Variants in RNF152 observed in about 807,000 individuals in gnomAD.
RNF152 encodes the protein E3 ubiquitin-protein ligase RNF152.
RNF152 carries 11 observed loss-of-function variants against 12.7 expected under a neutral mutation model. The observed-to-expected ratio is 0.86, with a 90% confidence interval of 0.54 to 1.43. The LOEUF (loss-of-function observed/expected upper bound fraction) is 1.43, where lower values mean the gene tolerates loss of function less well. Among genes scored for constraint, RNF152 ranks in the 40% most tolerant of loss-of-function variants. RNF152 has a pLI of 0.00. For synonymous variants in RNF152, 113 were observed against 120.3 expected, an observed-to-expected ratio of 0.94 and a Z score of 0.40; for missense variants, 255 against 274.8, an observed-to-expected ratio of 0.93 and a Z score of 0.51.
At chr18:61,876,689 C>T (rs1912228090) in intron 1 of RNF152, among the ~76,000 whole-genome samples, 1 of 152,144 alleles carries the variant, frequency 6.6e-6, no homozygotes, top group Non-Finnish European at 1.5e-5. Flanking sequence ...GTCATTTAGG[C>T]TCTCTGTGCT....
intron 1 of RNF152, among the ~76,000 whole-genome samples, chr18:61,855,113 C>A (rs1325650459): frequency 6.6e-6 from 1 of 152,212 alleles, no homozygotes; most frequent in East Asian, 1.9e-4. Flanking sequence ...TTATCTTACA[C>A]AATTATAACC....
At chr18:61,884,330 A>G (rs1165436062) in intron 1 of RNF152, among the ~76,000 whole-genome samples, 1 of 152,114 alleles carries the variant, frequency 6.6e-6, no homozygotes, top group Non-Finnish European at 1.5e-5. Flanking sequence ...TCCAGTTCAT[A>G]ATGACTTACC....
chr18:61,833,821 C>T (rs936430170), intron 1 of RNF152, among the ~76,000 whole-genome samples: 8 of 152,130 alleles, frequency 5.3e-5, no homozygotes, highest in South Asian at 4.1e-4. Context: ...TGGGGTGATA[C>T]ATCACCTAAG....
At chr18:61,834,385 T>C (rs1347411524) in intron 1 of RNF152, among the ~76,000 whole-genome samples, 5 of 152,242 alleles carry the variant, frequency 3.3e-5, no homozygotes, top group African/African-American at 1.2e-4. Context: ...ACACCACTTC[T>C]ATGTTCTCCT....
At chr18:61,845,927 G>GA (rs1910723534) in intron 1 of RNF152, among the ~76,000 whole-genome samples, 3 of 151,868 alleles carry the variant, frequency 2.0e-5, no homozygotes, top group African/African-American at 7.3e-5. Context: ...GTGTGGGGGG[G>GA]CGTGGTGATG....
chr18:61,833,061 C>T, intron 1 of RNF152, among the ~76,000 whole-genome samples: 1 of 152,230 alleles, frequency 6.6e-6, no homozygotes. Context: ...AGCGTGCTTT[C>T]TTCCATTCCT....
intron 1 of RNF152, among the ~76,000 whole-genome samples, chr18:61,861,931 T>C (rs1911506998): frequency 6.6e-6 from 1 of 152,126 alleles, no homozygotes; most frequent in African/African-American, 2.4e-5. Context: ...CCTCCAACAT[T>C]GGGCATTAAA....
intron 1 of RNF152, among the ~76,000 whole-genome samples, chr18:61,862,042 C>T (rs1911512865): frequency 6.6e-6 from 1 of 152,156 alleles, no homozygotes; most frequent in Non-Finnish European, 1.5e-5. Context: ...CCCTGAGGCC[C>T]TCAGAAGAAC....
intron 1 of RNF152, among the ~76,000 whole-genome samples, chr18:61,858,025 G>C (rs1339983040): frequency 6.6e-6 from 1 of 152,194 alleles, no homozygotes; most frequent in East Asian, 1.9e-4. Context: ...AAATGAAGCA[G>C]AGCCACCCCA....
chr18:61,842,749 C>CA (rs1200802737), intron 1 of RNF152, among the ~76,000 whole-genome samples: 36 of 152,262 alleles, frequency 2.4e-4, no homozygotes, highest in African/African-American at 6.7e-4. Context: ...CAAGGAGGAG[C>CA]AAGTCACATC....
chr18:61,875,650 T>G (rs1912181208), intron 1 of RNF152, among the ~76,000 whole-genome samples: 1 of 152,194 alleles, frequency 6.6e-6, no homozygotes, highest in Admixed American at 6.5e-5. Flanking sequence ...TCTGTTTTTT[T>G]CCCTGCAATT....
At chr18:61,843,361 T>G (rs868734855) in intron 1 of RNF152, among the ~76,000 whole-genome samples, 1 of 152,208 alleles carries the variant, frequency 6.6e-6, no homozygotes, top group Non-Finnish European at 1.5e-5. Flanking sequence ...TAAAAATCTA[T>G]AGCAATAACT....
rs1310128839 is a variant in RNF152, at chr18:61,811,616, CT to C, written c.*4235del. On this transcript the variant is annotated 3_prime_UTR_variant, in exon 2 of 2. Coordinates refer to ENST00000312828, the MANE Select transcript of RNF152 (RefSeq NM_173557.3). Reference sequence around the variant, plus strand: ...CCAAATACAACGACAAGCTGGCCAACTTCAAGGGCAAACAAAACCAGTCTGA... The same window carrying C: ...CCAAATACAACGACAAGCTGGCCAACTCAAGGGCAAACAAAACCAGTCTGA... The C allele has an allele frequency of 6.6e-6, 1 of 152,198 alleles. No homozygotes were observed. Among genetic ancestry groups the C allele is most frequent in the Admixed American group, 6.5e-5 (1 of 15,272 alleles). 9.4% of individuals were successfully genotyped at this position (152,198 alleles called of 1,614,324 possible).
At chr18:61,845,338 C>T (rs1910698621) in intron 1 of RNF152, among the ~76,000 whole-genome samples, 3 of 152,220 alleles carry the variant, frequency 2.0e-5, no homozygotes, top group Admixed American at 2.0e-4. Context: ...AATAAAACCT[C>T]ATTAAACAAT....
In RNF152 at chr18:61,808,333, C is replaced by G. The variant is rs2144590288; in HGVS notation, c.*7519G>C. On this transcript the variant is annotated 3_prime_UTR_variant, in exon 2 of 2. Transcript: ENST00000312828. ...AAGTCAATATTTGGCAACATTTGGA[C>G]AATATTTTCTACACAGCCCAGCAGC... 1 of 118,726 alleles carries G rather than the reference C, an allele frequency of 8.4e-6. No individual in the cohort carries two copies. The highest frequency in any genetic ancestry group is 3.0e-4 in the South Asian group (1 of 3,360). The allele number at this position is 118,726 out of a possible 1,614,324, so 7.4% of individuals were successfully genotyped here.
intron 1 of RNF152, among the ~76,000 whole-genome samples, chr18:61,877,756 C>T (rs907351660): frequency 6.6e-6 from 1 of 152,132 alleles, no homozygotes; most frequent in African/African-American, 2.4e-5. Flanking sequence ...CAAAATCTGT[C>T]CCTTTTTTTG....
In RNF152 at chr18:61,880,475, C is replaced by A. The variant is rs181603910; in HGVS notation, c.-136+12320G>T. 8.5e-5 allele frequency among the ~76,000 whole-genome samples: 13 copies of A among 152,304 alleles called. No individual in the cohort carries two copies. In the Middle Eastern group the frequency reaches 0.01, roughly 120 times the overall value. ...GCTCCAGCACAAACTCGCCACGTAA[C>A]CTTGGACAAGTCACCAGGCTTTTCC... On this transcript the variant is annotated intron_variant, in intron 1 of 1. Transcript: ENST00000312828.
At chr18:61,859,632 A>T (rs1469116171) in intron 1 of RNF152, among the ~76,000 whole-genome samples, 1 of 152,200 alleles carries the variant, frequency 6.6e-6, no homozygotes, top group Admixed American at 6.5e-5. Flanking sequence ...CAATCCTAGC[A>T]GTTTGGGAGG....
rs560111672 is a variant in RNF152 at position 61,819,952 on chromosome 18, C to T, written c.-135-3354G>A. Among the ~76,000 whole-genome samples, 79 of 142,792 alleles carry T rather than the reference C, an allele frequency of 5.5e-4. 1 individual carries two copies. The highest frequency in any genetic ancestry group is 1.7e-3 in the African/African-American group (65 of 38,192). 93.7% of individuals were successfully genotyped at this position (142,792 alleles called of 152,430 possible). A position where few individuals can be genotyped will look rare whatever the true frequency, so the allele number is the denominator to read the frequency against. On this transcript the variant is annotated intron_variant, in intron 1 of 1. Coordinates refer to ENST00000312828, the MANE Select transcript of RNF152 (RefSeq NM_173557.3). ...AGGATAATCACTTAAACCCGGGAGG[C>T]GGAGATTGCAGTGAGGCAACATCGC...
Sources: gnomAD v4.1 joint callset for allele counts (sites outside exome capture counted in the v4.1 genomes callset) on GRCh38, gnomAD v4.1.1 for gene constraint, MANE v1.5 for transcripts, NCBI Gene and HGNC (gene_info 2026-07-23, HGNC 2026-07-21) for gene names.